TVP23C: variants seen among roughly 807,000 people sequenced by gnomAD.
The protein encoded by TVP23C is trans-golgi network vesicle protein 23 homolog C, also known as Golgi apparatus membrane protein TVP23 homolog C.
TVP23C carries 19 observed loss-of-function variants against 28.7 expected under a neutral mutation model. The observed-to-expected ratio is 0.66, with a 90% confidence interval of 0.46 to 0.97. The LOEUF is 0.97. Ranked by LOEUF, TVP23C falls within the 50% of genes least tolerant of loss-of-function variation. The pLI is 0.00. For synonymous variants in TVP23C, 68 were observed against 81.7 expected (o/e 0.83, Z 0.90); for missense variants, 186 against 241.3 (o/e 0.77, Z 1.52).
chr17:15,556,221 T>C lies in TVP23C; in HGVS notation c.13-857A>G, dbSNP rs557699572. Among the ~76,000 whole-genome samples the C allele has an allele frequency of 5.9e-5, 9 of 151,920 alleles. No individual in the cohort carries two copies. In the South Asian group the frequency reaches 6.3e-4, roughly 11 times the overall value. Reference sequence around the variant, plus strand: ...CCTGAGCCACCACGCCTGGCCTCTATTGAATCTTTCTAATCAGCATATGCA... The same window carrying C: ...CCTGAGCCACCACGCCTGGCCTCTACTGAATCTTTCTAATCAGCATATGCA... On this transcript the variant is annotated intron_variant, in intron 1 of 5. Transcript: ENST00000518321.
At chr17:15,552,103 T>G (rs1282793760) in intron 3 of TVP23C, among the ~76,000 whole-genome samples, 1 of 152,214 alleles carries the variant, frequency 6.6e-6, no homozygotes, top group Non-Finnish European at 1.5e-5. Context: ...AGAAAAATTT[T>G]AAGAATTTGG....
At chr17:15,561,254 C>T (rs1193567911) in intron 1 of TVP23C, among the ~76,000 whole-genome samples, 8 of 152,250 alleles carry the variant, frequency 5.3e-5, no homozygotes, top group African/African-American at 1.9e-4. Context: ...GTAGAATGAC[C>T]GCCTGGCAGC....
At chr17:15,509,826 T>C (rs898391031) in intron 5 of TVP23C, among the ~76,000 whole-genome samples, 1 of 152,210 alleles carries the variant, frequency 6.6e-6, no homozygotes, top group Non-Finnish European at 1.5e-5. Context: ...CTTCCCTGGC[T>C]CACATGGCAT....
chr17:15,516,892 G>C (rs1982250787), intron 5 of TVP23C, among the ~76,000 whole-genome samples: 1 of 152,150 alleles, frequency 6.6e-6, no homozygotes, highest in Admixed American at 6.5e-5. Flanking sequence ...CTGCTTGTCT[G>C]CCCTACTTCA....
intron 5 of TVP23C, among the ~76,000 whole-genome samples, chr17:15,529,365 T>C (rs1982859054): frequency 6.6e-6 from 1 of 152,006 alleles, no homozygotes; most frequent in African/African-American, 2.4e-5. Context: ...GGCAGGAGAA[T>C]TGCTTGAACC....
At chr17:15,536,277 T>A (rs1567638291), downstream of TVP23C, among the ~76,000 whole-genome samples, 1 of 152,198 alleles carries the variant, frequency 6.6e-6, no homozygotes, top group Non-Finnish European at 1.5e-5. Flanking sequence ...TCTCTGCCAT[T>A]CACAAAACGA....
chr17:15,521,802 A>G (rs981792051), intron 5 of TVP23C, among the ~76,000 whole-genome samples: 3 of 152,242 alleles, frequency 2.0e-5, no homozygotes, highest in Non-Finnish European at 2.9e-5. Context: ...CGACAAACAT[A>G]TATTTGTCAC....
At position 15,528,614 on chromosome 17, in the gene TVP23C, T is replaced by C. The variant is rs570554239; in HGVS notation, c.462+17171A>G. Among the ~76,000 whole-genome samples, 738 of 151,626 alleles carry C rather than the reference T, an allele frequency of 4.9e-3. 4 individuals are homozygous for C. The highest frequency in any genetic ancestry group is 0.017 in the African/African-American group (704 of 41,256). ...TCTCTACAGATGTCTGTTGGGTTTT[T>C]TTGTTTGTTTGAGATGGAGTCTCAT... On this transcript the variant is annotated intron_variant, in intron 5 of 5. Transcript: ENST00000225576.
rs1165234136 is a variant in TVP23C, at chr17:15,547,090, C to A, written c.299G>T (p.Gly100Val). The change falls in exon 4 of 6, where the codon GGA becomes GTA. Residue 100 changes from glycine (G) to valine (V), a missense_variant. This residue lies in a region of TVP23C where 20 missense variants were observed against 51.0 expected (regional missense o/e 0.39). Transcript: ENST00000518321. ...AGATTCAAACACCCAATGGCTCTTT[C>A]CATCTTCATCAATGTGATTCCACCA... Reference protein sequence around the residue: ...LRWWNHIDEDGKSHWVFESRK... With the variant: ...LRWWNHIDEDVKSHWVFESRK... The A allele has an allele frequency of 6.2e-7, 1 of 1,606,500 alleles. No individual in the cohort carries two copies.
At chr17:15,559,342 A>T (rs1984276916) in intron 1 of TVP23C, among the ~76,000 whole-genome samples, 1 of 146,736 alleles carries the variant, frequency 6.8e-6, no homozygotes, top group Non-Finnish European at 1.5e-5. Context: ...AAAAAGACAA[A>T]TAGCTCTGCA....
chr17:15,535,205 G>A (rs188552376), downstream of TVP23C, among the ~76,000 whole-genome samples: 58 of 152,170 alleles, frequency 3.8e-4, 1 homozygote, highest in East Asian at 0.01. Flanking sequence ...CTCTCATCAA[G>A]TACTGGGCTC....
At chr17:15,549,035 A>C (rs1983772850) in intron 3 of TVP23C, among the ~76,000 whole-genome samples, 1 of 152,232 alleles carries the variant, frequency 6.6e-6, no homozygotes, top group Non-Finnish European at 1.5e-5. Flanking sequence ...CATATAACTC[A>C]ATCAGAAATT....
At chr17:15,517,403 A>G (rs1982275685) in intron 5 of TVP23C, among the ~76,000 whole-genome samples, 1 of 152,230 alleles carries the variant, frequency 6.6e-6, no homozygotes, top group Non-Finnish European at 1.5e-5. Context: ...AGTAGTTAAG[A>G]GCACAGACTT....
chr17:15,553,954 T>G, intron 2 of TVP23C, 125 bp from the exon 3 acceptor site: 1 of 1,537,230 alleles, frequency 6.5e-7, no homozygotes, highest in Non-Finnish European at 8.8e-7. Context: ...AAGAGGTGAC[T>G]TTAGTAGGAG....
At chr17:15,549,853 G>A (rs1312609945) in intron 3 of TVP23C, among the ~76,000 whole-genome samples, 2 of 151,758 alleles carry the variant, frequency 1.3e-5, no homozygotes, top group Non-Finnish European at 2.9e-5. Context: ...CACTCCTTAG[G>A]AAGGGAATAC....
intron 5 of TVP23C, among the ~76,000 whole-genome samples, chr17:15,525,490 CAGTT>C (rs1159351875): frequency 6.6e-6 from 1 of 152,234 alleles, no homozygotes; most frequent in Non-Finnish European, 1.5e-5. Context: ...CTCAGCCAGT[CAGTT>C]AAAGGCCTTA....
At chr17:15,540,702 T>C in intron 5 of TVP23C, 141 bp from the exon 6 acceptor site, 3 of 606,626 alleles carry the variant, frequency 4.9e-6, no homozygotes, top group African/African-American at 1.9e-5. Context: ...CCAGTTGAGA[T>C]TTTCCAGAGA....
At chr17:15,525,665 C>CGT (rs537223610) in intron 5 of TVP23C, among the ~76,000 whole-genome samples, 3,245 of 151,510 alleles carry the variant, frequency 0.021, 119 homozygotes, top group African/African-American at 0.072. Context: ...AATCTCTCTC[C>CGT]GTGTGTGTGT....
At chr17:15,506,910 G>A in intron 5 of TVP23C, 1 of 990,268 alleles carries the variant, frequency 1.0e-6, no homozygotes, top group Non-Finnish European at 1.5e-6. Flanking sequence ...TCAACGGGGA[G>A]CCCTTGGGCC....
Sources: allele counts gnomAD v4.1 joint callset (sites outside exome capture counted in the v4.1 genomes callset), GRCh38; gene constraint gnomAD v4.1.1; regional missense constraint gnomAD v4.1.1; transcripts MANE v1.5; gene names NCBI Gene and HGNC (gene_info 2026-07-23, HGNC 2026-07-21).